CRY1: variants seen among roughly 807,000 people sequenced by gnomAD.
CRY1 encodes the protein cryptochrome-1.
Under a neutral mutation model 76.0 loss-of-function variants are expected in CRY1, and 45 were observed. That is an observed-to-expected ratio of 0.59 (90% CI 0.47 to 0.76). The LOEUF is 0.76. CRY1 is among the 30% of genes least tolerant of loss of function. The pLI is 0.00. For synonymous variants in CRY1, 248 were observed against 244.0 expected, an observed-to-expected ratio of 1.02 and a Z score of -0.15; for missense variants, 587 against 716.4, an observed-to-expected ratio of 0.82 and a Z score of 2.06.
rs187722596 is a variant in CRY1 at position 107,077,786 on chromosome 12, A to G, written c.158+15018T>C. Among the ~76,000 whole-genome samples the G allele has an allele frequency of 4.3e-3, 659 of 152,086 alleles. 2 individuals are homozygous for G. The highest frequency in any genetic ancestry group is 0.015 in the African/African-American group (632 of 41,500). The stretch of plus-strand genomic sequence containing the variant: ...CTAATTTCTTACCTCTCTCATAAAA[A>G]ATCCCCCTCACATTCCAACCTGAAT... On this transcript the variant is annotated intron_variant, in intron 1 of 12. Transcript: ENST00000008527.
chr12:107,022,407 C>T (rs1475627172), intron 1 of CRY1, among the ~76,000 whole-genome samples: 2 of 151,802 alleles, frequency 1.3e-5, no homozygotes, highest in East Asian at 1.9e-4. Flanking sequence ...AATAAAATCA[C>T]TAATTTTCAT....
intron 1 of CRY1, among the ~76,000 whole-genome samples, chr12:107,060,851 ACCTGTAGT>A (rs1953038136): frequency 6.6e-6 from 1 of 151,912 alleles, no homozygotes; most frequent in South Asian, 2.1e-4. Context: ...GGTGGCGGGC[ACCTGTAGT>A]CCCAGCTACT....
intron 2 of CRY1, among the ~76,000 whole-genome samples, chr12:107,014,612 C>T (rs909399953): frequency 4.0e-5 from 6 of 151,806 alleles, no homozygotes; most frequent in Admixed American, 1.3e-4. Flanking sequence ...TTAATGTGTT[C>T]TTTTTCTATC....
intron 3 of CRY1, among the ~76,000 whole-genome samples, chr12:107,004,199 A>G (rs1360557031): frequency 6.6e-6 from 1 of 152,166 alleles, no homozygotes; most frequent in African/African-American, 2.4e-5. Context: ...CTTAAAGTTA[A>G]GCAAATTGGT....
chr12:107,054,556 G>T (rs1021893373), intron 1 of CRY1, among the ~76,000 whole-genome samples: 1 of 148,430 alleles, frequency 6.7e-6, no homozygotes, highest in Non-Finnish European at 1.5e-5. Context: ...ACAGACTAAC[G>T]AAAGGCTTCA....
At position 106,998,074 on chromosome 12, in the gene CRY1, AG is replaced by A; in HGVS notation, c.1138-9del. On this transcript the variant is annotated splice_polypyrimidine_tract_variant and intron_variant, in intron 7 of 12. Transcript: ENST00000008527. The stretch of plus-strand genomic sequence containing the variant: ...CAATAATTCTTCAAATACCTTCAGA[AG>A]TAACAGTAACCAATTAGTTTGCACA... 6.2e-7 allele frequency: 1 copy of A among 1,613,872 alleles called. No homozygotes were observed. Among genetic ancestry groups the A allele is most frequent in the Non-Finnish European group, 8.5e-7 (1 of 1,179,906 alleles).
At chr12:107,010,012 T>C (rs1952424861) in intron 2 of CRY1, among the ~76,000 whole-genome samples, 1 of 152,112 alleles carries the variant, frequency 6.6e-6, no homozygotes, top group Non-Finnish European at 1.5e-5. Context: ...ATCTAAGGGC[T>C]TGAAGTTTGT....
At chr12:107,028,658 A>C (rs188079480) in intron 1 of CRY1, among the ~76,000 whole-genome samples, 232 of 152,328 alleles carry the variant, frequency 1.5e-3, no homozygotes, top group African/African-American at 5.1e-3. Flanking sequence ...TCTAGAGGTA[A>C]ATATGTGGGC....
At chr12:107,048,799 G>A (rs1417645314) in intron 1 of CRY1, among the ~76,000 whole-genome samples, 2 of 152,012 alleles carry the variant, frequency 1.3e-5, no homozygotes, top group Non-Finnish European at 2.9e-5. Flanking sequence ...ATTCCCTATT[G>A]TATTCAATTT....
intron 1 of CRY1, among the ~76,000 whole-genome samples, chr12:107,022,808 T>A (rs749699392): frequency 6.6e-6 from 1 of 151,244 alleles, no homozygotes. Flanking sequence ...TATGTGGTTA[T>A]TAATTCCCTG....
intron 10 of CRY1, 58 bp from the exon 11 acceptor site, chr12:106,993,094 T>A: frequency 6.5e-7 from 1 of 1,548,306 alleles, no homozygotes; most frequent in Non-Finnish European, 8.9e-7. Context: ...ATGTATGTAT[T>A]ATTAAGTCTA....
chr12:107,072,490 T>C (rs907809811), intron 1 of CRY1, among the ~76,000 whole-genome samples: 1 of 152,178 alleles, frequency 6.6e-6, no homozygotes, highest in African/African-American at 2.4e-5. Flanking sequence ...CTGACCCAAA[T>C]TGCTTTATAG....
At chr12:107,030,403 T>C (rs1952662219) in intron 1 of CRY1, among the ~76,000 whole-genome samples, 1 of 152,232 alleles carries the variant, frequency 6.6e-6, no homozygotes, top group Non-Finnish European at 1.5e-5. Flanking sequence ...GTGCTCTTTG[T>C]ACTACATAAT....
chr12:106,999,613 G>A lies in CRY1; in HGVS notation c.1075C>T (p.His359Tyr). Residue 359 changes from histidine to tyrosine, a missense_variant, in exon 7 of 13, where the codon CAT becomes TAT. Physicochemically the swap from His to Tyr is moderately conservative, Grantham distance 83 (BLOSUM62 2). Coordinates refer to ENST00000008527, the MANE Select transcript of CRY1 (RefSeq NM_004075.5). ...CGTGTCAGGAAGCAAGCAACTGCAT[G>A]CCTGGCTAGATGATGAATCCAACCC... Reference protein sequence around the residue: ...QEGWIHHLARHAVACFLTRGD... With the variant: ...QEGWIHHLARYAVACFLTRGD... 1 of 1,614,192 alleles carries A rather than the reference G, an allele frequency of 6.2e-7. No individual in the cohort carries two copies. The highest frequency in any genetic ancestry group is 1.1e-5 in the South Asian group (1 of 91,082).
intron 1 of CRY1, among the ~76,000 whole-genome samples, chr12:107,027,774 A>G (rs945749501): frequency 1.3e-5 from 2 of 152,168 alleles, no homozygotes; most frequent in African/African-American, 4.8e-5. Flanking sequence ...TGGACGGTTT[A>G]GTATACTCCG....
chr12:107,093,089 AGG>A lies in CRY1; in HGVS notation c.-130_-129del. Reference sequence around the variant, plus strand: ...GAGGAAAGGGCGGCAGAGGGGGAACAGGAAAAAATGACTCCGAGGAGGGGACC... The same window carrying A: ...GAGGAAAGGGCGGCAGAGGGGGAACAAAAAAATGACTCCGAGGAGGGGACC... On this transcript the variant is annotated 5_prime_UTR_variant, in exon 1 of 13. Transcript: ENST00000008527. 1 of 1,158,302 alleles carries A rather than the reference AGG, an allele frequency of 8.6e-7. No homozygotes were observed. Among genetic ancestry groups the A allele is most frequent in the African/African-American group, 1.6e-5 (1 of 63,262 alleles). 71.8% of individuals were successfully genotyped at this position (1,158,302 alleles called of 1,614,324 possible).
chr12:107,062,589 TG>T (rs1471014262), intron 1 of CRY1, among the ~76,000 whole-genome samples: 1 of 152,190 alleles, frequency 6.6e-6, no homozygotes, highest in Admixed American at 6.5e-5. Flanking sequence ...CTGGTTTTTC[TG>T]TGATAAAATA....
At chr12:107,044,207 C>A (rs1030057916) in intron 1 of CRY1, among the ~76,000 whole-genome samples, 2 of 152,208 alleles carry the variant, frequency 1.3e-5, no homozygotes, top group Non-Finnish European at 2.9e-5. Context: ...GAACCCAGAG[C>A]TGCTGCAGCT....
At chr12:107,075,110 C>CA (rs1276610684) in intron 1 of CRY1, among the ~76,000 whole-genome samples, 2 of 152,102 alleles carry the variant, frequency 1.3e-5, no homozygotes, top group Non-Finnish European at 2.9e-5. Context: ...ATACCCTGTG[C>CA]AAAGCATACA....
Sources: allele counts gnomAD v4.1 joint callset (sites outside exome capture counted in the v4.1 genomes callset), GRCh38; gene constraint gnomAD v4.1.1; transcripts MANE v1.5; gene names NCBI Gene and HGNC (gene_info 2026-07-23, HGNC 2026-07-21).